GNAT1: variants seen among roughly 807,000 people sequenced by gnomAD.
The protein encoded by GNAT1 is G protein subunit alpha transducin 1.
Under a neutral mutation model 40.0 loss-of-function variants are expected in GNAT1, and 36 were observed. The ratio of observed to expected loss-of-function variants is 0.90; its 90% CI spans 0.69 to 1.19. The LOEUF (loss-of-function observed/expected upper bound fraction) is 1.19, where lower values mean the gene tolerates loss of function less well. Ranked by LOEUF, GNAT1 falls within the 50% of genes most tolerant of loss-of-function variation. GNAT1 has a pLI of 0.00. For synonymous variants in GNAT1, 195 were observed against 192.9 expected (o/e 1.01, Z -0.09); for missense variants, 413 against 480.6 (o/e 0.86, Z 1.32).
chr3:50,194,293 G>C lies in GNAT1; in HGVS notation c.708+72G>C. The C allele has an allele frequency of 1.3e-6, 2 of 1,527,808 alleles. No individual in the cohort carries two copies. The highest frequency in any genetic ancestry group is 2.0e-5 in the Admixed American group (1 of 50,748). The allele number at this position is 1,527,808 out of a possible 1,614,324, so 94.6% of individuals were successfully genotyped here. A position where few individuals can be genotyped will look rare whatever the true frequency, so the allele number is the denominator to read the frequency against. On this transcript the variant is annotated intron_variant, in intron 6 of 8. Transcript: ENST00000232461. The surrounding 1 kb of genome is among the most constrained non-coding windows in gnomAD (Gnocchi z 6.1). ...GCTGGTCCCTGGAGGCGGAGACCGC[G>C]CGCTGGGCTGGGGGAGGGCACGGGA...
intron 8 of GNAT1, 108 bp from the exon 9 acceptor site, chr3:50,195,160 G>T: frequency 1.9e-6 from 1 of 531,422 alleles, no homozygotes; most frequent in South Asian, 2.0e-5. Context: ...TTTTGGCCCC[G>T]CCCCAAGACC....
In GNAT1 at chr3:50,193,490, C is replaced by T. The variant is rs1699447040; in HGVS notation, c.292-16C>T. The T allele has an allele frequency of 1.9e-6, 3 of 1,612,888 alleles. No individual in the cohort carries two copies. In the African/African-American group the frequency reaches 4.0e-5, roughly 22 times the overall value. Reference sequence around the variant, plus strand: ...GAGTCCCTGGCCGCCACCAGCCACTCTCACCCTGCCCCCAGGACGACGCCC... The same window carrying T: ...GAGTCCCTGGCCGCCACCAGCCACTTTCACCCTGCCCCCAGGACGACGCCC... On this transcript the variant is annotated splice_polypyrimidine_tract_variant and intron_variant, in intron 3 of 8. Coordinates refer to ENST00000232461, the MANE Select transcript of GNAT1 (RefSeq NM_144499.3). The surrounding 1 kb of genome is among the most constrained non-coding windows in gnomAD (Gnocchi z 8.1).
Position 50,192,729 on chromosome 3 carries a change from T to A in GNAT1, c.107-404T>A. 6 of 363,996 alleles carry A rather than the reference T, an allele frequency of 1.6e-5. 1 individual carries two copies. Among genetic ancestry groups the A allele is most frequent in the South Asian group, 1.5e-4 (6 of 41,218 alleles). 22.5% of individuals were successfully genotyped at this position (363,996 alleles called of 1,614,324 possible). A position where few individuals can be genotyped will look rare whatever the true frequency, so the allele number is the denominator to read the frequency against. ...GACACCTGCACCCCTTCAGGTGAAA[T>A]GCAAGGGGTTTACCCGCCTCAAATA... On this transcript the variant is annotated intron_variant, in intron 1 of 8. Transcript: ENST00000232461.
Position 50,194,733 on chromosome 3 carries a change from G to A in GNAT1, c.863-32G>A. ...GCACCCCCCGCACGGGGAAGGAAGG[G>A]CTGAGCAGAGTGAGAGCTCCCGCCC... On this transcript the variant is annotated intron_variant, in intron 7 of 8. Transcript: ENST00000232461. The surrounding 1 kb of genome is among the most constrained non-coding windows in gnomAD (Gnocchi z 6.1). The A allele has an allele frequency of 1.2e-6, 2 of 1,612,618 alleles. No individual in the cohort carries two copies. The highest frequency in any genetic ancestry group is 1.7e-6 in the Non-Finnish European group (2 of 1,179,348).
Position 50,194,472 on chromosome 3 carries a change from G to A in GNAT1, c.709-29G>A, listed in dbSNP as rs761938311. The A allele has an allele frequency of 2.5e-6, 4 of 1,610,862 alleles. No homozygotes were observed. The South Asian group carries it at 3.3e-5, about 13-fold the overall frequency. On this transcript the variant is annotated intron_variant, in intron 6 of 8. Coordinates refer to ENST00000232461, the MANE Select transcript of GNAT1 (RefSeq NM_144499.3). This position sits in a 1 kb window ranked among gnomAD's most constrained non-coding sequence, Gnocchi z 6.1. ...GGTGCTGCGGGTCGGACGCTACCCCGGGTGCCCAACAGCTGCTGCCCTCCT... is the reference window on the plus strand; with the variant it reads ...GGTGCTGCGGGTCGGACGCTACCCCAGGTGCCCAACAGCTGCTGCCCTCCT...
chr3:50,191,972 C>G, intron 1 of GNAT1, 141 bp downstream of exon 1: 1 of 643,498 alleles, frequency 1.6e-6, no homozygotes, highest in East Asian at 2.8e-5. Context: ...GGAGCCCTGG[C>G]CAAGCAAGGC....
rs1219584556 is a variant in GNAT1, at chr3:50,194,533, C to T, written c.741C>T (p.Asn247=). ...TGCACGAGAGCCTGCACCTGTTCAACAGCATCTGCAACCACCGCTACTTCG... is the reference window on the plus strand; with the variant it reads ...TGCACGAGAGCCTGCACCTGTTCAATAGCATCTGCAACCACCGCTACTTCG... ...NRMHESLHLF[N]SICNHRYFAT... is the part of the protein sequence containing the mutation. Residue 247 remains asparagine (N), a synonymous_variant, in exon 7 of 9, where the codon AAC becomes AAT. Transcript: ENST00000232461. This position sits in a 1 kb window ranked among gnomAD's most constrained non-coding sequence, Gnocchi z 6.1. 5.6e-6 allele frequency: 9 copies of T among 1,613,600 alleles called. No homozygotes were observed. In the East Asian group the frequency reaches 1.3e-4, roughly 24 times the overall value.
In GNAT1 at chr3:50,193,550, G is replaced by A. The variant is rs1328717185; in HGVS notation, c.336G>A (p.Glu112=). 3 of 1,613,222 alleles carry A rather than the reference G, an allele frequency of 1.9e-6. No homozygotes were observed. Among genetic ancestry groups the A allele is most frequent in the Admixed American group, 1.7e-5 (1 of 60,000 alleles). ...TGCACATGGCAGACACTATCGAGGA[G>A]GGCACGATGCCCAAGGAGATGTCGG... ...KLMHMADTIE[E]GTMPKEMSDI... Residue 112 remains glutamate (E), a synonymous_variant, in exon 4 of 9, where the codon GAG becomes GAA. Coordinates refer to ENST00000232461, the MANE Select transcript of GNAT1 (RefSeq NM_144499.3). The surrounding 1 kb of genome is among the most constrained non-coding windows in gnomAD (Gnocchi z 8.1).
In GNAT1 at chr3:50,193,709, G is replaced by A. The variant is rs1699454922; in HGVS notation, c.450-44G>A. On this transcript the variant is annotated intron_variant, in intron 4 of 8. Coordinates refer to ENST00000232461, the MANE Select transcript of GNAT1 (RefSeq NM_144499.3). The surrounding 1 kb of genome is among the most constrained non-coding windows in gnomAD (Gnocchi z 8.1). The stretch of plus-strand genomic sequence containing the variant: ...GGGCGCGGGGCGCGGGGCGCAGGGG[G>A]CCCTCCACGCCTCCCCACCCACCTA... The A allele has an allele frequency of 8.1e-6, 13 of 1,598,140 alleles. No individual in the cohort carries two copies. Among genetic ancestry groups the A allele is most frequent in the South Asian group, 3.3e-5 (3 of 90,100 alleles).
intron 1 of GNAT1, among the ~76,000 whole-genome samples, chr3:50,192,293 C>A (rs116516714): frequency 6.6e-6 from 1 of 152,322 alleles, no homozygotes; most frequent in African/African-American, 2.4e-5. Flanking sequence ...CCACCCAGAT[C>A]CACAACGAAT....
intron 1 of GNAT1, among the ~76,000 whole-genome samples, chr3:50,192,403 A>G (rs1161754218): frequency 2.0e-5 from 3 of 152,174 alleles, no homozygotes; most frequent in Non-Finnish European, 4.4e-5. Flanking sequence ...AGCCGCGTCC[A>G]CTGGACCATG....
In GNAT1 at chr3:50,193,837, T is replaced by C. The variant is rs763675450; in HGVS notation, c.534T>C (p.Thr178=). The stretch of plus-strand genomic sequence containing the variant: ...TGCTGCGCTCGCGAGTCAAGACCAC[T>C]GGCATCATCGAGACGCAGTTCTCCT... ...QDVLRSRVKT[T]GIIETQFSFK... is the part of the protein sequence containing the mutation. The change falls in exon 5 of 9, where the codon ACT becomes ACC. Residue 178 remains threonine (T), a synonymous_variant. Transcript: ENST00000232461. This position sits in a 1 kb window ranked among gnomAD's most constrained non-coding sequence, Gnocchi z 8.1. 13 of 1,613,052 alleles carry C rather than the reference T, an allele frequency of 8.1e-6. No homozygotes were observed. The highest frequency in any genetic ancestry group is 1.1e-5 in the South Asian group (1 of 91,088).
chr3:50,192,162 G>A (rs915029418), intron 1 of GNAT1, among the ~76,000 whole-genome samples: 1 of 152,228 alleles, frequency 6.6e-6, no homozygotes. Flanking sequence ...TGCAGCCTTT[G>A]GTTTGATACG....
rs1003086839 is a variant in GNAT1, at chr3:50,194,010, G to A, written c.579-82G>A. The A allele has an allele frequency of 1.4e-5, 22 of 1,607,196 alleles. No homozygotes were observed. The highest frequency in any genetic ancestry group is 1.6e-5 in the Non-Finnish European group (19 of 1,174,652). ...AGCAGAAAGGGTGGTAGTCCCGGCC[G>A]AGAGCTCCCCGACCAGCACAGGGCG... On this transcript the variant is annotated intron_variant, in intron 5 of 8. Transcript: ENST00000232461. This position sits in a 1 kb window ranked among gnomAD's most constrained non-coding sequence, Gnocchi z 6.1.
chr3:50,194,687 C>A lies in GNAT1; in HGVS notation c.862+33C>A. 1.2e-6 allele frequency: 2 copies of A among 1,610,874 alleles called. No individual in the cohort carries two copies. The highest frequency in any genetic ancestry group is 1.7e-6 in the Non-Finnish European group (2 of 1,178,174). ...GTCCGCAAGGCCGCCAGGCGGCGCCCCCGCCCCACGATCGCGGCGCGCACC... is the reference window on the plus strand; with the variant it reads ...GTCCGCAAGGCCGCCAGGCGGCGCCACCGCCCCACGATCGCGGCGCGCACC... On this transcript the variant is annotated intron_variant, in intron 7 of 8. Transcript: ENST00000232461. This position sits in a 1 kb window ranked among gnomAD's most constrained non-coding sequence, Gnocchi z 6.1.
In GNAT1 at chr3:50,191,724, C is replaced by G. The variant is rs151191490; in HGVS notation, c.-2C>G. On this transcript the variant is annotated 5_prime_UTR_variant, in exon 1 of 9. Coordinates refer to ENST00000232461, the MANE Select transcript of GNAT1 (RefSeq NM_144499.3). ...TCTGTCCCTTCGCCTGCTGCTGGGA[C>G]CATGGGGGCTGGGGCCAGTGCTGAG... The G allele has an allele frequency of 1.6e-4, 259 of 1,608,274 alleles. No individual in the cohort carries two copies. Among genetic ancestry groups the G allele is most frequent in the Admixed American group, 4.5e-4 (27 of 59,992 alleles).
rs538073069 is a variant in GNAT1 at position 50,193,073 on chromosome 3, C to G, written c.107-60C>G. The G allele has an allele frequency of 1.9e-6, 3 of 1,589,654 alleles. No individual in the cohort carries two copies. The highest frequency in any genetic ancestry group is 2.2e-5 in the East Asian group (1 of 44,754). On this transcript the variant is annotated intron_variant, in intron 1 of 8. Transcript: ENST00000232461. This position sits in a 1 kb window ranked among gnomAD's most constrained non-coding sequence, Gnocchi z 8.1. ...ACTCGGGAGGTCCCCGTCCTCCTGG[C>G]CTCCTTGCTGGAGGGGGCAGGCTGG...
At position 50,194,493 on chromosome 3, in the gene GNAT1, C is replaced by T. The variant is rs758414804; in HGVS notation, c.709-8C>T. The T allele has an allele frequency of 1.9e-6, 3 of 1,613,036 alleles. No individual in the cohort carries two copies. Among genetic ancestry groups the T allele is most frequent in the African/African-American group, 1.3e-5 (1 of 75,042 alleles). ...CCCCGGGTGCCCAACAGCTGCTGCC[C>T]TCCTCAGAACCGCATGCACGAGAGC... On this transcript the variant is annotated splice_polypyrimidine_tract_variant and splice_region_variant and intron_variant, in intron 6 of 8. Coordinates refer to ENST00000232461, the MANE Select transcript of GNAT1 (RefSeq NM_144499.3). This position sits in a 1 kb window ranked among gnomAD's most constrained non-coding sequence, Gnocchi z 6.1.
chr3:50,191,858 A>C (rs1484122119), intron 1 of GNAT1, 27 bp downstream of exon 1: 1 of 1,441,020 alleles, frequency 6.9e-7, no homozygotes, highest in Admixed American at 1.7e-5. Context: ...AGGTGGGGCC[A>C]CTGCCACCAG....
Sources: gnomAD v4.1 joint callset for allele counts (sites outside exome capture counted in the v4.1 genomes callset) on GRCh38, gnomAD v4.1.1 for gene constraint, Gnocchi (gnomAD v3.1) non-coding constraint, MANE v1.5 for transcripts, NCBI Gene and HGNC (gene_info 2026-07-23, HGNC 2026-07-21) for gene names.